APOLD1: variants seen among roughly 807,000 people sequenced by gnomAD.
APOLD1 encodes the protein apolipoprotein L domain-containing protein 1.
Under a neutral mutation model 15.3 loss-of-function variants are expected in APOLD1, and 22 were observed. That is an observed-to-expected ratio of 1.44 (90% CI 1.03 to 2.05). The LOEUF (loss-of-function observed/expected upper bound fraction) is 2.05. Ranked by LOEUF, APOLD1 falls within the 30% of genes most tolerant of loss-of-function variation. The pLI is 0.00. For missense variants in APOLD1, 394 were observed against 353.5 expected, an observed-to-expected ratio of 1.11 and a Z score of -0.92; for synonymous variants, 190 against 167.4, an observed-to-expected ratio of 1.13 and a Z score of -1.04.
chr12:12,770,354 G>A (rs181182803), intron 1 of APOLD1, among the ~76,000 whole-genome samples: 33 of 152,242 alleles, frequency 2.2e-4, no homozygotes, highest in African/African-American at 6.3e-4. Context: ...GCACTGAGCC[G>A]AAATCGTGCC....
At chr12:12,746,510 A>AATAAATAAATC (rs57489224) in intron 1 of APOLD1, among the ~76,000 whole-genome samples, 1 of 149,838 alleles carries the variant, frequency 6.7e-6, no homozygotes, top group Non-Finnish European at 1.5e-5. Context: ...TAAATAAATA[A>AATAAATAAATC]ATAAATACAT....
intron 1 of APOLD1, among the ~76,000 whole-genome samples, chr12:12,776,845 T>C (rs1418526807): frequency 6.6e-6 from 1 of 152,128 alleles, no homozygotes; most frequent in East Asian, 1.9e-4. Context: ...AGGTAAACTG[T>C]TTAGTGGAAT....
chr12:12,750,854 A>G (rs1414772317), intron 1 of APOLD1, among the ~76,000 whole-genome samples: 1 of 151,942 alleles, frequency 6.6e-6, no homozygotes. Flanking sequence ...AGTTCACTGC[A>G]GCCTTGACCT....
At chr12:12,775,613 A>C (rs1225572091) in intron 1 of APOLD1, among the ~76,000 whole-genome samples, 1 of 152,236 alleles carries the variant, frequency 6.6e-6, no homozygotes, top group East Asian at 1.9e-4. Context: ...AGTCTAACAA[A>C]GCAAGTTTGG....
At position 12,787,248 on chromosome 12, in the gene APOLD1, C is replaced by T. The variant is rs768382313; in HGVS notation, c.343C>T (p.Arg115Trp). 3.2e-6 allele frequency: 5 copies of T among 1,579,772 alleles called. No individual in the cohort carries two copies. Among genetic ancestry groups the T allele is most frequent in the Non-Finnish European group, 4.3e-6 (5 of 1,166,466 alleles). Residue 115 changes from arginine to tryptophan, a missense_variant, in exon 2 of 2, where the codon CGG becomes TGG. Transcript: ENST00000356591. This position sits in a 1 kb window ranked among gnomAD's most constrained non-coding sequence, Gnocchi z 4.9. ...TCTCTCGCTGATCTTCTGCAACTCCCGGGAGCTGCGGAGGGTGCAGGAGAT... is the reference window on the plus strand; with the variant it reads ...TCTCTCGCTGATCTTCTGCAACTCCTGGGAGCTGCGGAGGGTGCAGGAGAT... ...SDLSLIFCNS[R>W]ELRRVQEIAA...
At chr12:12,734,840 C>T (rs373370474) in intron 1 of APOLD1, among the ~76,000 whole-genome samples, 2 of 152,306 alleles carry the variant, frequency 1.3e-5, no homozygotes, top group African/African-American at 4.8e-5. Context: ...TAAGGCCAGG[C>T]TCTGTGGGCT....
intron 1 of APOLD1, among the ~76,000 whole-genome samples, chr12:12,733,602 AT>A (rs1471526496): frequency 1.3e-5 from 2 of 151,934 alleles, no homozygotes; most frequent in Non-Finnish European, 2.9e-5. Context: ...AGGTATTTCA[AT>A]TTTTTTTCTT....
intron 1 of APOLD1, among the ~76,000 whole-genome samples, chr12:12,740,602 G>C (rs1313279628): frequency 2.6e-5 from 4 of 152,128 alleles, no homozygotes; most frequent in African/African-American, 9.7e-5. Flanking sequence ...CCTAAAAATG[G>C]GTTGGCAATT....
chr12:12,726,052 C>T (rs1222167693), exon 1 of APOLD1: 3 of 1,518,434 alleles, frequency 2.0e-6, no homozygotes, highest in African/African-American at 2.9e-5. Context: ...TCGGAAGGCG[C>T]GGGCAGGAGC....
intron 1 of APOLD1, among the ~76,000 whole-genome samples, chr12:12,744,056 C>T (rs1276105894): frequency 6.6e-6 from 1 of 152,224 alleles, no homozygotes; most frequent in African/African-American, 2.4e-5. Context: ...TGGCTCATGC[C>T]TGTAATCCCA....
At chr12:12,756,081 T>G (rs1946855821) in intron 1 of APOLD1, among the ~76,000 whole-genome samples, 1 of 152,178 alleles carries the variant, frequency 6.6e-6, no homozygotes, top group Admixed American at 6.5e-5. Flanking sequence ...ACTGGGAGAC[T>G]CTGAGTGGAG....
At chr12:12,730,677 C>G (rs1946631890) in intron 1 of APOLD1, among the ~76,000 whole-genome samples, 1 of 122,160 alleles carries the variant, frequency 8.2e-6, no homozygotes, top group African/African-American at 3.4e-5. Flanking sequence ...TTGAGACTTC[C>G]TCTAAAAAAA....
Position 12,786,926 on chromosome 12 carries a change from G to A in APOLD1, c.21G>A (p.Ala7=), listed in dbSNP as rs961768425. 8 of 1,449,640 alleles carry A rather than the reference G, an allele frequency of 5.5e-6. No individual in the cohort carries two copies. Among genetic ancestry groups the A allele is most frequent in the Non-Finnish European group, 7.2e-6 (8 of 1,110,110 alleles). 89.8% of individuals were successfully genotyped at this position (1,449,640 alleles called of 1,614,324 possible). A position where few individuals can be genotyped will look rare whatever the true frequency, so the allele number is the denominator to read the frequency against. ...CCCCGCAGGGAATGGAGAGGCCGGC[G>A]GCCCGGGAGCCGCATGGGCCCGACG... MGMERP[A]AREPHGPDAL... The change falls in exon 2 of 2, where the codon GCG becomes GCA. Residue 7 remains alanine (A), a synonymous_variant. Transcript: ENST00000356591.
intron 1 of APOLD1, among the ~76,000 whole-genome samples, chr12:12,736,418 T>C (rs191727446): frequency 1.3e-5 from 2 of 151,722 alleles, no homozygotes; most frequent in African/African-American, 4.8e-5. Context: ...TCCCAGCTAC[T>C]TGGGAGGCTG....
chr12:12,734,792 TTGC>T (rs1303418783), intron 1 of APOLD1, among the ~76,000 whole-genome samples: 1 of 152,218 alleles, frequency 6.6e-6, no homozygotes, highest in East Asian at 1.9e-4. Flanking sequence ...GTGCCAGATA[TTGC>T]TGCATTGTCG....
At chr12:12,768,032 G>T (rs1946954477) in intron 1 of APOLD1, among the ~76,000 whole-genome samples, 1 of 151,998 alleles carries the variant, frequency 6.6e-6, no homozygotes, top group Non-Finnish European at 1.5e-5. Context: ...GGATCTGCCT[G>T]CCTCGGCATC....
At chr12:12,777,889 G>GTTTTTTTTTTTTTTT (rs71436735) in intron 1 of APOLD1, among the ~76,000 whole-genome samples, 11 of 117,138 alleles carry the variant, frequency 9.4e-5, no homozygotes, top group Non-Finnish European at 1.0e-4. Flanking sequence ...AAGGAAAGGT[G>GTTTTTTTTTTTTTTT]TTTTTTTTTT....
At chr12:12,732,800 G>T (rs917655563) in intron 1 of APOLD1, among the ~76,000 whole-genome samples, 3 of 150,940 alleles carry the variant, frequency 2.0e-5, no homozygotes, top group African/African-American at 7.3e-5. Context: ...TTAATTTTGA[G>T]AAATAATCAG....
chr12:12,739,798 A>G (rs1946717882), intron 1 of APOLD1, among the ~76,000 whole-genome samples: 1 of 140,328 alleles, frequency 7.1e-6, no homozygotes. Flanking sequence ...TATATTTCTC[A>G]GATCCTACCA....
Sources: gnomAD v4.1 joint callset for allele counts (sites outside exome capture counted in the v4.1 genomes callset) on GRCh38, gnomAD v4.1.1 for gene constraint, Gnocchi (gnomAD v3.1) non-coding constraint, MANE v1.5 for transcripts, NCBI Gene and HGNC (gene_info 2026-07-23, HGNC 2026-07-21) for gene names.